DOCK7: variants seen among roughly 807,000 people sequenced by gnomAD.
DOCK7 encodes dedicator of cytokinesis 7.
DOCK7 carries 138 observed loss-of-function variants against 271.0 expected under a neutral mutation model. The observed-to-expected ratio is 0.51, with a 90% CI of 0.44 to 0.59. The LOEUF (loss-of-function observed/expected upper bound fraction) is 0.59. Ranked by LOEUF, DOCK7 falls within the 20% of genes least tolerant of loss-of-function variation. DOCK7 has a pLI of 0.00. For synonymous variants in DOCK7, 823 were observed against 876.1 expected (o/e 0.94, Z 1.07); for missense variants, 2,066 against 2,592.4 (o/e 0.80, Z 4.41).
intron 2 of DOCK7, among the ~76,000 whole-genome samples, chr1:62,659,716 T>C (rs769789506): frequency 3.3e-5 from 5 of 152,080 alleles, no homozygotes; most frequent in Non-Finnish European, 5.9e-5. Flanking sequence ...GAAAAAGATA[T>C]ACCAGGCGAC....
At chr1:62,518,320 C>T (rs973256793) in intron 31 of DOCK7, among the ~76,000 whole-genome samples, 1 of 152,190 alleles carries the variant, frequency 6.6e-6, no homozygotes, top group African/African-American at 2.4e-5. Context: ...GCCTGTAATC[C>T]CAGCACTTTG....
intron 1 of DOCK7, among the ~76,000 whole-genome samples, chr1:62,680,477 G>A (rs1370029505): frequency 1.3e-5 from 2 of 151,362 alleles, no homozygotes; most frequent in African/African-American, 2.4e-5. Flanking sequence ...CATAGGCATG[G>A]GCAAGGACTT....
chr1:62,553,342 ATATATATATATAT>A (rs1646000920), intron 21 of DOCK7, among the ~76,000 whole-genome samples: 1 of 33,012 alleles, frequency 3.0e-5, no homozygotes, highest in Admixed American at 3.7e-4. Flanking sequence ...ATATATATAT[ATATATATATATAT>A]TTTTTTTTTT....
At chr1:62,682,390 C>T (rs1661268922) in intron 1 of DOCK7, among the ~76,000 whole-genome samples, 1 of 152,178 alleles carries the variant, frequency 6.6e-6, no homozygotes, top group African/African-American at 2.4e-5. Context: ...TCCAACGCAG[C>T]TTGGTGGCAT....
At chr1:62,562,779 AT>A (rs1646370532) in intron 18 of DOCK7, among the ~76,000 whole-genome samples, 1 of 152,092 alleles carries the variant, frequency 6.6e-6, no homozygotes. Flanking sequence ...GCTAGAGAGG[AT>A]GGCAACCCAG....
intron 47 of DOCK7, among the ~76,000 whole-genome samples, 176 bp from the exon 48 acceptor site, chr1:62,474,264 T>C (rs1191682308): frequency 6.6e-6 from 1 of 152,254 alleles, no homozygotes; most frequent in Non-Finnish European, 1.5e-5. Context: ...AATTTCATTC[T>C]ACATTCTTAT....
At chr1:62,505,068 T>C (rs1646901082) in intron 36 of DOCK7, among the ~76,000 whole-genome samples, 1 of 152,222 alleles carries the variant, frequency 6.6e-6, no homozygotes, top group Non-Finnish European at 1.5e-5. Flanking sequence ...TCTATCAGAA[T>C]GTGCATAAAA....
At chr1:62,528,914 T>C (rs577392732) in intron 30 of DOCK7, among the ~76,000 whole-genome samples, 18 of 152,344 alleles carry the variant, frequency 1.2e-4, no homozygotes, top group African/African-American at 4.1e-4. Context: ...CAAGTGAATA[T>C]TCATTTCAAT....
rs566138333 is a variant in DOCK7 at position 62,665,078 on chromosome 1, C to T, written c.39-1948G>A. On this transcript the variant is annotated intron_variant, in intron 1 of 49. Transcript: ENST00000635253. ...CTCGGCTCACCAAAACCTCCGCCTT[C>T]CAGGTTCAAGCGATTCTCCTGCCTC... Among the ~76,000 whole-genome samples the T allele has an allele frequency of 4.6e-5, 7 of 152,280 alleles. No individual in the cohort carries two copies. The South Asian group carries it at 1.4e-3, about 32-fold the overall frequency.
At chr1:62,650,897 G>T (rs1022510539) in intron 4 of DOCK7, among the ~76,000 whole-genome samples, 33 of 149,336 alleles carry the variant, frequency 2.2e-4, no homozygotes, top group African/African-American at 7.9e-4. Flanking sequence ...CAATTCCTCA[G>T]GGATCTAGAA....
intron 47 of DOCK7, among the ~76,000 whole-genome samples, chr1:62,474,837 A>G (rs1571218868): frequency 6.6e-6 from 1 of 152,186 alleles, no homozygotes; most frequent in African/African-American, 2.4e-5. Context: ...TTCTTGTGTC[A>G]ATATATTTTT....
At chr1:62,604,948 C>T in intron 14 of DOCK7, 1 of 903,162 alleles carries the variant, frequency 1.1e-6, no homozygotes, top group Non-Finnish European at 1.7e-6. Flanking sequence ...AAGTCACTGT[C>T]TATTTAAGAT....
intron 14 of DOCK7, among the ~76,000 whole-genome samples, chr1:62,616,247 C>T (rs1571780849): frequency 1.3e-5 from 2 of 151,626 alleles, no homozygotes; most frequent in African/African-American, 2.4e-5. Context: ...GGTATGAGCG[C>T]ATTACTCAAT....
chr1:62,483,417 A>T (rs1352631135), intron 43 of DOCK7: 4 of 151,774 alleles, frequency 2.6e-5, no homozygotes, highest in Admixed American at 2.6e-4. Context: ...GTGCTCAGTT[A>T]TGGGTCTATA....
chr1:62,522,542 C>G, intron 31 of DOCK7, among the ~76,000 whole-genome samples: 1 of 151,742 alleles, frequency 6.6e-6, no homozygotes, highest in East Asian at 1.9e-4. Flanking sequence ...GAGACTTCCA[C>G]AATAAAGGAA....
At chr1:62,683,310 G>C (rs1022488212) in intron 1 of DOCK7, among the ~76,000 whole-genome samples, 1 of 152,180 alleles carries the variant, frequency 6.6e-6, no homozygotes, top group Non-Finnish European at 1.5e-5. Flanking sequence ...GAAGTAGTTG[G>C]TAATATATGG....
intron 1 of DOCK7, among the ~76,000 whole-genome samples, chr1:62,683,460 T>C (rs2149782103): frequency 6.6e-6 from 1 of 152,284 alleles, no homozygotes; most frequent in East Asian, 1.9e-4. Flanking sequence ...TGTAAGATTT[T>C]CCCTCAGAAA....
At chr1:62,455,543 GTTACC>G (rs1392318720) in intron 49 of DOCK7, 87 bp from the exon 50 acceptor site, 17 of 1,301,686 alleles carry the variant, frequency 1.3e-5, no homozygotes, top group Non-Finnish European at 1.8e-5. Flanking sequence ...TTTTCTGCCA[GTTACC>G]TTAAAGTTTT....
chr1:62,584,270 T>C (rs563114199), intron 15 of DOCK7: 37 of 972,784 alleles, frequency 3.8e-5, no homozygotes, highest in African/African-American at 3.7e-4. Context: ...TCCTAAGATA[T>C]ATATTATTTC....
Sources: gnomAD v4.1 joint callset for allele counts (sites outside exome capture counted in the v4.1 genomes callset) on GRCh38, gnomAD v4.1.1 for gene constraint, MANE v1.5 for transcripts, NCBI Gene and HGNC (gene_info 2026-07-23, HGNC 2026-07-21) for gene names.